GDPD5: variants seen among roughly 807,000 people sequenced by gnomAD.
The protein encoded by GDPD5 is glycerophosphodiester phosphodiesterase domain containing 5, also known as glycerophosphodiester phosphodiesterase 2.
A neutral mutation model predicts 75.1 loss-of-function variants in GDPD5; 48 were observed. The ratio of observed to expected loss-of-function variants is 0.64; its 90% CI spans 0.51 to 0.81. GDPD5 has a LOEUF of 0.81. GDPD5 is among the 40% of genes least tolerant of loss of function. The probability of loss-of-function intolerance (pLI) is 0.00; values close to 1 mark genes in which losing one functional copy is unlikely to be tolerated. For missense variants in GDPD5, 706 were observed against 822.6 expected (o/e 0.86, Z 1.73); for synonymous variants, 336 against 339.0 (o/e 0.99, Z 0.10).
At chr11:75,517,159 T>A (rs575912265) in intron 1 of GDPD5, among the ~76,000 whole-genome samples, 1 of 152,130 alleles carries the variant, frequency 6.6e-6, no homozygotes, top group East Asian at 1.9e-4. Context: ...GCTATAGAAA[T>A]TGCAAGCTTT....
intron 1 of GDPD5, among the ~76,000 whole-genome samples, chr11:75,524,581 C>A (rs1208567607): frequency 6.6e-6 from 1 of 152,242 alleles, no homozygotes; most frequent in Admixed American, 6.5e-5. Flanking sequence ...CCAGCTCTGA[C>A]AGACCCTTAC....
chr11:75,499,409 T>C (rs1950266937), intron 1 of GDPD5, among the ~76,000 whole-genome samples: 1 of 150,720 alleles, frequency 6.6e-6, no homozygotes, highest in African/African-American at 2.5e-5. Flanking sequence ...TTTTTTTTTT[T>C]TTTTTTTTAA....
At chr11:75,509,456 G>T (rs975876417) in intron 1 of GDPD5, among the ~76,000 whole-genome samples, 1 of 152,178 alleles carries the variant, frequency 6.6e-6, no homozygotes, top group Non-Finnish European at 1.5e-5. Context: ...CTGATGCCAG[G>T]GAGCACTTCC....
chr11:75,483,719 A>T (rs111933455), intron 2 of GDPD5, among the ~76,000 whole-genome samples: 5 of 152,352 alleles, frequency 3.3e-5, no homozygotes, highest in African/African-American at 1.2e-4. Flanking sequence ...AATCTTGAAG[A>T]CGTCATGCCA....
chr11:75,487,384 G>A (rs908543073), intron 2 of GDPD5, among the ~76,000 whole-genome samples: 4 of 152,214 alleles, frequency 2.6e-5, no homozygotes, highest in African/African-American at 9.6e-5. Flanking sequence ...AGCTGCCAGT[G>A]GGGAGAGGCT....
At chr11:75,512,815 C>T (rs995938033) in intron 1 of GDPD5, among the ~76,000 whole-genome samples, 1 of 151,748 alleles carries the variant, frequency 6.6e-6, no homozygotes, top group Non-Finnish European at 1.5e-5. Context: ...TGTGGGAGGC[C>T]GAGGCAGGAG....
At chr11:75,493,937 C>T (rs1210886684) in intron 1 of GDPD5, among the ~76,000 whole-genome samples, 2 of 152,060 alleles carry the variant, frequency 1.3e-5, no homozygotes, top group African/African-American at 2.4e-5. Flanking sequence ...ACTCACATTA[C>T]TCACATTAAT....
intron 15 of GDPD5, chr11:75,439,234 C>T (rs993045868): frequency 9.4e-6 from 4 of 424,208 alleles, no homozygotes; most frequent in African/African-American, 4.1e-5. Flanking sequence ...CGAGGTGGCC[C>T]GGGCACAGGG....
chr11:75,496,690 G>A (rs1950214311), intron 1 of GDPD5, among the ~76,000 whole-genome samples: 1 of 151,904 alleles, frequency 6.6e-6, no homozygotes, highest in South Asian at 2.1e-4. Context: ...CATACTCTCT[G>A]TACGAGGCCA....
intron 1 of GDPD5, among the ~76,000 whole-genome samples, chr11:75,524,269 G>C (rs564059863): frequency 1.3e-5 from 2 of 152,314 alleles, no homozygotes; most frequent in African/African-American, 4.8e-5. Flanking sequence ...CATTCCTCGG[G>C]GCCCCAGCAA....
intron 2 of GDPD5, among the ~76,000 whole-genome samples, chr11:75,486,254 C>A (rs1463979220): frequency 1.3e-5 from 2 of 152,160 alleles, no homozygotes; most frequent in African/African-American, 4.8e-5. Flanking sequence ...TGGGGAAGAG[C>A]CCCCTCTGCT....
intron 6 of GDPD5, chr11:75,452,374 A>G (rs1949183100): frequency 6.6e-6 from 1 of 152,284 alleles, no homozygotes; most frequent in Admixed American, 6.5e-5. Context: ...GTTGGGGAAG[A>G]TCAGTGAGGA....
intron 2 of GDPD5, among the ~76,000 whole-genome samples, chr11:75,479,825 T>C (rs1949866735): frequency 6.6e-6 from 1 of 152,210 alleles, no homozygotes; most frequent in African/African-American, 2.4e-5. Flanking sequence ...TTTTGTGTCT[T>C]GCTTCTTTCA....
rs1163137195 is a variant in GDPD5 at position 75,449,537 on chromosome 11, A to G, written c.548T>C (p.Phe183Ser). 1.9e-6 allele frequency: 3 copies of G among 1,581,326 alleles called. No homozygotes were observed. In the East Asian group the frequency reaches 6.9e-5, roughly 36 times the overall value. Residue 183 changes from phenylalanine (F) to serine (S), a missense_variant, in exon 8 of 17, where the codon TTC (phenylalanine) becomes TCC (serine). Transcript: ENST00000336898. ...TMLSWIVAGQ[F>S]ARAERTSSQV... is the part of the protein sequence containing the mutation. ...CTCACAGGTCCGCTCTGCGCGGGCG[A>G]ACTGTCCTGCCACGATCCAGGAGAG...
In GDPD5 at chr11:75,477,710, T is replaced by C. The variant is rs1949810417; in HGVS notation, c.26A>G (p.Tyr9Cys). MVRHQPLQ[Y>C]YEPQLCLSCL... ...GGAGAGGCACAGCTGTGGCTCGTAG[T>C]ACTGCAGGGGCTGGTGTCTCACCAT... is the stretch of plus-strand genomic sequence containing the variant. Residue 9 changes from tyrosine (Y) to cysteine (C), a missense_variant, in exon 3 of 17, where the codon TAC becomes TGC. Transcript: ENST00000336898. 1 of 1,591,988 alleles carries C rather than the reference T, an allele frequency of 6.3e-7. No individual in the cohort carries two copies. Among genetic ancestry groups the C allele is most frequent in the Non-Finnish European group, 8.6e-7 (1 of 1,163,886 alleles).
intron 1 of GDPD5, among the ~76,000 whole-genome samples, chr11:75,505,947 G>A (rs1181399344): frequency 6.6e-6 from 1 of 152,120 alleles, no homozygotes; most frequent in Non-Finnish European, 1.5e-5. Flanking sequence ...CTTTCCCCTG[G>A]CTCTCAGGAA....
intron 1 of GDPD5, among the ~76,000 whole-genome samples, chr11:75,499,833 G>A (rs982491673): frequency 6.6e-6 from 1 of 152,146 alleles, no homozygotes. Flanking sequence ...AACAGCTTTG[G>A]TGAGCACTGA....
chr11:75,504,212 C>G (rs777611150), intron 1 of GDPD5, among the ~76,000 whole-genome samples: 44 of 152,206 alleles, frequency 2.9e-4, no homozygotes, highest in Admixed American at 6.5e-5. Flanking sequence ...GAGAATGAAT[C>G]CCACCTACTA....
chr11:75,484,246 C>A (rs187730470), intron 2 of GDPD5, among the ~76,000 whole-genome samples: 34 of 152,274 alleles, frequency 2.2e-4, no homozygotes, highest in African/African-American at 5.8e-4. Context: ...GTGATGGTTG[C>A]GAACTTTATC....
Sources: allele counts gnomAD v4.1 joint callset (sites outside exome capture counted in the v4.1 genomes callset), GRCh38; gene constraint gnomAD v4.1.1; transcripts MANE v1.5; gene names NCBI Gene and HGNC (gene_info 2026-07-23, HGNC 2026-07-21).